The following STAMBPL1 variants were observed in gnomAD, a reference collection of about 807,000 sequenced individuals.
STAMBPL1 encodes STAM binding protein like 1.
In STAMBPL1, 44 loss-of-function variants were observed where a neutral mutation model predicts 52.9. The observed-to-expected ratio is 0.83, with a 90% CI of 0.65 to 1.07. The LOEUF is 1.07. STAMBPL1 is among the 50% of genes least tolerant of loss of function. The pLI, the probability that STAMBPL1 is intolerant of heterozygous loss-of-function variation, is 0.00. For missense variants in STAMBPL1, 511 were observed against 520.8 expected, an observed-to-expected ratio of 0.98 and a Z score of 0.18; for synonymous variants, 164 against 177.3, an observed-to-expected ratio of 0.92 and a Z score of 0.60.
intron 9 of STAMBPL1, 111 bp from the exon 10 acceptor site, chr10:88,922,226 G>A (rs1039775959): frequency 4.0e-6 from 4 of 1,010,236 alleles, no homozygotes; most frequent in African/African-American, 3.3e-5. Flanking sequence ...CCTAGTTTGT[G>A]ATTTCTCAAT....
At chr10:88,888,890 A>T (rs991800000) in intron 1 of STAMBPL1, among the ~76,000 whole-genome samples, 3 of 152,248 alleles carry the variant, frequency 2.0e-5, no homozygotes, top group Non-Finnish European at 4.4e-5. Context: ...AGCAATGAAT[A>T]AATAAAAAGT....
chr10:88,897,550 C>T (rs901138499), intron 1 of STAMBPL1, among the ~76,000 whole-genome samples: 1 of 152,084 alleles, frequency 6.6e-6, no homozygotes, highest in Admixed American at 6.5e-5. Context: ...CAGATGTTAT[C>T]AAGCCACAAG....
In STAMBPL1 at chr10:88,920,642, G is replaced by T. The variant is rs76702315; in HGVS notation, c.1042-641G>T. On this transcript the variant is annotated intron_variant, in intron 8 of 10. Coordinates refer to ENST00000371926, the MANE Select transcript of STAMBPL1 (RefSeq NM_020799.4). The stretch of plus-strand genomic sequence containing the variant: ...ACATTTGTATATAGCCAGAAACTTG[G>T]CAGATTTCTTGTAATTTATAATCCC... Among the ~76,000 whole-genome samples the T allele has an allele frequency of 8.4e-3, 1,285 of 152,118 alleles. 47 individuals are homozygous for T. In the East Asian group the frequency reaches 0.12, roughly 15 times the overall value.
chr10:88,890,987 A>G (rs1429335671), intron 1 of STAMBPL1, among the ~76,000 whole-genome samples: 1 of 152,250 alleles, frequency 6.6e-6, no homozygotes, highest in Non-Finnish European at 1.5e-5. Flanking sequence ...TCGTTTGGGC[A>G]GATCACTTTG....
chr10:88,887,337 G>A (rs978621027), intron 1 of STAMBPL1, among the ~76,000 whole-genome samples: 2 of 152,012 alleles, frequency 1.3e-5, no homozygotes, highest in African/African-American at 4.8e-5. Context: ...ATTAAAATGT[G>A]GATCTTGAAA....
chr10:88,881,958 A>G (rs1844417053), intron 1 of STAMBPL1: 1 of 152,228 alleles, frequency 6.6e-6, no homozygotes. Flanking sequence ...ATTCAAAGGC[A>G]TAAAATGTTA....
chr10:88,886,780 G>T (rs1844545236), intron 1 of STAMBPL1, among the ~76,000 whole-genome samples: 1 of 152,166 alleles, frequency 6.6e-6, no homozygotes, highest in Admixed American at 6.5e-5. Flanking sequence ...AGGCTCAGGT[G>T]CAGGTTCCCC....
intron 1 of STAMBPL1, among the ~76,000 whole-genome samples, chr10:88,896,909 G>A (rs58776267): frequency 0.021 from 3,242 of 152,082 alleles, 81 homozygotes; most frequent in African/African-American, 0.063. Context: ...AAAAGAAAAG[G>A]AAATTAAGGC....
intron 8 of STAMBPL1, 136 bp downstream of exon 8, chr10:88,916,953 T>A: frequency 1.1e-6 from 1 of 913,270 alleles, no homozygotes; most frequent in Non-Finnish European, 1.6e-6. Context: ...GTCATTTAAG[T>A]AGTGGTTCTC....
chr10:88,915,222 A>C (rs900675295), intron 7 of STAMBPL1, among the ~76,000 whole-genome samples: 1 of 152,182 alleles, frequency 6.6e-6, no homozygotes, highest in East Asian at 1.9e-4. Context: ...GAAAGAGAGG[A>C]GATGCATTCA....
intron 8 of STAMBPL1, among the ~76,000 whole-genome samples, chr10:88,919,451 T>C (rs1048394604): frequency 6.6e-6 from 1 of 152,196 alleles, no homozygotes; most frequent in Non-Finnish European, 1.5e-5. Flanking sequence ...TAATTCCTTT[T>C]GGTAGAAATG....
chr10:88,884,029 G>C (rs530113182), intron 1 of STAMBPL1, among the ~76,000 whole-genome samples: 2 of 152,168 alleles, frequency 1.3e-5, no homozygotes, highest in East Asian at 3.9e-4. Context: ...ACTTTCTAGT[G>C]GGTAATAATA....
At chr10:88,908,849 C>T (rs1845145314) in intron 4 of STAMBPL1, 72 bp downstream of exon 4, 1 of 1,191,472 alleles carries the variant, frequency 8.4e-7, no homozygotes, top group African/African-American at 1.6e-5. Context: ...CACCCTTCCC[C>T]TTCCTCCCCT....
Position 88,913,216 on chromosome 10 carries a change from T to C in STAMBPL1, c.536T>C (p.Phe179Ser). ...CAGCTAGAATCGGAGCAGTTTCTGT[T>C]TTTCGAAGATCAACTCAAGAAGCAA... ...QQQLESEQFL[F>S]FEDQLKKQEL... Residue 179 changes from phenylalanine to serine, a missense_variant, in exon 6 of 11, where the codon TTT becomes TCT. Phe to Ser is a radical substitution (Grantham distance 155). Transcript: ENST00000371926. 6.2e-7 allele frequency: 1 copy of C among 1,613,840 alleles called. No individual in the cohort carries two copies. The highest frequency in any genetic ancestry group is 8.5e-7 in the Non-Finnish European group (1 of 1,179,852).
At chr10:88,905,362 G>A (rs1845045238) in intron 2 of STAMBPL1, 81 bp from the exon 3 acceptor site, 1 of 1,089,756 alleles carries the variant, frequency 9.2e-7, no homozygotes, top group South Asian at 1.3e-5. Context: ...TCCTCATAAA[G>A]AACATATGTC....
At chr10:88,914,794 C>G in intron 7 of STAMBPL1, 136 bp downstream of exon 7, 1 of 316,312 alleles carries the variant, frequency 3.2e-6, no homozygotes, top group Non-Finnish European at 5.2e-6. Flanking sequence ...TAACGTTACA[C>G]AGATTAACTT....
intron 10 of STAMBPL1, 132 bp from the exon 11 acceptor site, chr10:88,923,036 C>T: frequency 1.5e-6 from 1 of 659,840 alleles, no homozygotes; most frequent in South Asian, 1.9e-5. Flanking sequence ...TGTATTTGTT[C>T]TGATTGGAAA....
intron 8 of STAMBPL1, 52 bp downstream of exon 8, chr10:88,916,869 T>C: frequency 7.1e-7 from 1 of 1,414,008 alleles, no homozygotes; most frequent in Non-Finnish European, 9.3e-7. Flanking sequence ...GCATGCTATT[T>C]TCCTCCTTGA....
intron 8 of STAMBPL1, among the ~76,000 whole-genome samples, chr10:88,917,824 G>T (rs746319326): frequency 6.6e-6 from 1 of 152,080 alleles, no homozygotes; most frequent in Non-Finnish European, 1.5e-5. Context: ...TGGTCTTGGA[G>T]ACTGGAAAGT....
Sources: allele counts gnomAD v4.1 joint callset (sites outside exome capture counted in the v4.1 genomes callset), GRCh38; gene constraint gnomAD v4.1.1; transcripts MANE v1.5; gene names NCBI Gene and HGNC (gene_info 2026-07-23, HGNC 2026-07-21).